RFX2: variants seen among roughly 807,000 people sequenced by gnomAD.
The protein encoded by RFX2 is DNA-binding protein RFX2.
A neutral mutation model predicts 87.8 loss-of-function variants in RFX2; 20 were observed. The observed-to-expected ratio is 0.23, with a 90% CI of 0.16 to 0.33. The LOEUF is 0.33. Among genes scored for constraint, RFX2 ranks in the 10% least tolerant of loss-of-function variants. RFX2 has a pLI of 1.00. For synonymous variants in RFX2, 397 were observed against 431.3 expected, an observed-to-expected ratio of 0.92 and a Z score of 0.98; for missense variants, 767 against 1,012.3, an observed-to-expected ratio of 0.76 and a Z score of 3.29.
At chr19:6,099,737 G>A (rs2088088947) in intron 1 of RFX2, among the ~76,000 whole-genome samples, 1 of 152,154 alleles carries the variant, frequency 6.6e-6, no homozygotes, top group African/African-American at 2.4e-5. Flanking sequence ...ACCACCTGTC[G>A]AAGTGGCCTT....
Position 6,044,260 on chromosome 19 carries a change from C to T in RFX2, c.113G>A (p.Ser38Asn), listed in dbSNP as rs550000087. 1.3e-5 allele frequency: 20 copies of T among 1,566,830 alleles called. No homozygotes were observed. In the South Asian group the frequency reaches 2.4e-4, roughly 19 times the overall value. ...CATCTGGGCCCCTTTGGGATTGGAGCTGGCTGCCTGGACCAACACCCTCTA... is the reference window on the plus strand; with the variant it reads ...CATCTGGGCCCCTTTGGGATTGGAGTTGGCTGCCTGGACCAACACCCTCTA... The part of the protein sequence containing the change: ...SPQRVLVQAA[S>N]SNPKGAQMQP... Residue 38 changes from serine to asparagine, a missense_variant, in exon 3 of 18, where the codon AGC becomes AAC. This residue lies in a region of RFX2 where 146 missense variants were observed against 139.2 expected (regional missense o/e 1.05). Transcript: ENST00000303657. The surrounding 1 kb of genome is among the most constrained non-coding windows in gnomAD (Gnocchi z 5.3).
At chr19:6,108,005 T>C (rs2088247588) in intron 1 of RFX2, among the ~76,000 whole-genome samples, 1 of 152,228 alleles carries the variant, frequency 6.6e-6, no homozygotes, top group African/African-American at 2.4e-5. Flanking sequence ...GTAATAACTG[T>C]CTCTCTCTTC....
chr19:6,099,986 A>C (rs1356581155), intron 1 of RFX2, among the ~76,000 whole-genome samples: 1 of 152,210 alleles, frequency 6.6e-6, no homozygotes, highest in Admixed American at 6.5e-5. Flanking sequence ...AGTCTCCCCA[A>C]CCAAGAATAA....
At chr19:6,042,013 T>A (rs1568520899) in intron 4 of RFX2, 31 bp downstream of exon 4, 1 of 1,595,776 alleles carries the variant, frequency 6.3e-7, no homozygotes, top group African/African-American at 1.3e-5. Flanking sequence ...GGGAGAGGGT[T>A]CCGGGTGTGG....
In RFX2 at chr19:6,064,940, C is replaced by T. The variant is rs2087488908; in HGVS notation, c.-8-17436G>A. ...CCTTTAAAAACCACCTAACCCAGCTCTTTCATCAAACAGATGAAGAAACTT... is the reference window on the plus strand; with the variant it reads ...CCTTTAAAAACCACCTAACCCAGCTTTTTCATCAAACAGATGAAGAAACTT... On this transcript the variant is annotated intron_variant, in intron 1 of 17. Coordinates refer to ENST00000303657, the MANE Select transcript of RFX2 (RefSeq NM_000635.4). The surrounding 1 kb of genome is among the most constrained non-coding windows in gnomAD (Gnocchi z 4.8). Among the ~76,000 whole-genome samples the T allele has an allele frequency of 6.6e-6, 1 of 152,190 alleles. No individual in the cohort carries two copies. Among genetic ancestry groups the T allele is most frequent in the Non-Finnish European group, 1.5e-5 (1 of 68,034 alleles).
chr19:6,108,002 C>G (rs964839714), intron 1 of RFX2, among the ~76,000 whole-genome samples: 11 of 152,174 alleles, frequency 7.2e-5, no homozygotes, highest in African/African-American at 2.7e-4. Context: ...GAGGTAATAA[C>G]TGTCTCTCTC....
chr19:6,065,978 C>G (rs899959320), intron 1 of RFX2, among the ~76,000 whole-genome samples: 8 of 108,518 alleles, frequency 7.4e-5, no homozygotes, highest in African/African-American at 2.5e-4. Flanking sequence ...ATAGCCCTGG[C>G]AGTGGGGGCG....
intron 1 of RFX2, among the ~76,000 whole-genome samples, chr19:6,052,674 C>A (rs1031071842): frequency 6.6e-6 from 1 of 152,058 alleles, no homozygotes; most frequent in African/African-American, 2.4e-5. Context: ...TTCAAAATAC[C>A]ATAATTATAC....
chr19:6,089,372 G>A (rs1334365616), intron 1 of RFX2, among the ~76,000 whole-genome samples: 1 of 152,178 alleles, frequency 6.6e-6, no homozygotes, highest in Non-Finnish European at 1.5e-5. Context: ...GCACGGGCAG[G>A]AGCTGGAGCA....
Position 6,016,104 on chromosome 19 carries a change from C to G in RFX2, c.765G>C (p.Arg255=), listed in dbSNP as rs2086722964. ...IRSVFMGLRT[R]RLGTRGNSKY... Reference sequence around the variant, plus strand: ...CGTCTACCCACCTGGTGCCCAGCCGCCGCGTTCTCAGCCCCATAAACACAG... The same window carrying G: ...CGTCTACCCACCTGGTGCCCAGCCGGCGCGTTCTCAGCCCCATAAACACAG... Residue 255 remains arginine (R), a synonymous_variant, in exon 7 of 18, where the codon CGG becomes CGC. Coordinates refer to ENST00000303657, the MANE Select transcript of RFX2 (RefSeq NM_000635.4). This position sits in a 1 kb window ranked among gnomAD's most constrained non-coding sequence, Gnocchi z 5.4. 6.2e-7 allele frequency: 1 copy of G among 1,605,566 alleles called. No individual in the cohort carries two copies. Among genetic ancestry groups the G allele is most frequent in the South Asian group, 1.1e-5 (1 of 90,224 alleles).
chr19:6,001,997 G>A lies in RFX2; in HGVS notation c.1677C>T (p.Cys559=), dbSNP rs757632295. ...VQEQASWVCQ[C]EESVVQRLEQ... ...CCAGCCGCTGCACCACACTCTCCTC[G>A]CACTGGCACACCCACGAGGCCTGCT... Residue 559 remains cysteine (C), a synonymous_variant, in exon 15 of 18, where the codon TGC becomes TGT. Transcript: ENST00000303657. This position sits in a 1 kb window ranked among gnomAD's most constrained non-coding sequence, Gnocchi z 5.6. 86 of 1,610,392 alleles carry A rather than the reference G, an allele frequency of 5.3e-5. No individual in the cohort carries two copies. The highest frequency in any genetic ancestry group is 7.0e-5 in the Non-Finnish European group (82 of 1,179,632).
At chr19:6,018,909 G>T (rs1323152391) in intron 6 of RFX2, among the ~76,000 whole-genome samples, 8 of 152,156 alleles carry the variant, frequency 5.3e-5, no homozygotes. Context: ...CACAATCCCT[G>T]AGCTTGGATT....
At chr19:6,057,416 GGCTGAGCC>G (rs1411068251) in intron 1 of RFX2, 4 of 152,762 alleles carry the variant, frequency 2.6e-5, no homozygotes, top group African/African-American at 9.6e-5. Context: ...GCCCGTTCCT[GGCTGAGCC>G]GCTGACTCAC....
chr19:6,085,173 CCTGT>C (rs143326088), intron 1 of RFX2, among the ~76,000 whole-genome samples: 2,581 of 152,152 alleles, frequency 0.017, 55 homozygotes, highest in African/African-American at 0.058. Flanking sequence ...TGTACAAATC[CCTGT>C]CTGAGTGTAC....
chr19:6,032,409 C>T (rs562629246), intron 5 of RFX2, among the ~76,000 whole-genome samples: 3 of 152,102 alleles, frequency 2.0e-5, no homozygotes, highest in African/African-American at 7.2e-5. Flanking sequence ...GGATTACAGG[C>T]GTGAGCTACT....
At chr19:6,077,293 C>G (rs2087706072) in intron 1 of RFX2, among the ~76,000 whole-genome samples, 1 of 152,204 alleles carries the variant, frequency 6.6e-6, no homozygotes, top group Non-Finnish European at 1.5e-5. Context: ...AATTCCTTCG[C>G]CAGTGCTGGG....
At chr19:6,072,791 A>G (rs2087627583) in intron 1 of RFX2, 1 of 825,668 alleles carries the variant, frequency 1.2e-6, no homozygotes. Flanking sequence ...AGTGCTGCCT[A>G]CGGAGGTGGC....
intron 5 of RFX2, among the ~76,000 whole-genome samples, chr19:6,031,147 A>G (rs1298176194): frequency 6.6e-6 from 1 of 152,164 alleles, no homozygotes; most frequent in Non-Finnish European, 1.5e-5. Flanking sequence ...CATGTCTGCC[A>G]AATACCTGAG....
At chr19:6,008,050 C>T (rs902110577) in intron 10 of RFX2, 56 bp downstream of exon 10, 6 of 1,341,240 alleles carry the variant, frequency 4.5e-6, no homozygotes, top group Middle Eastern at 1.8e-4. Flanking sequence ...GGCCTGAGCG[C>T]TGGCGGTTCC....
Sources: gnomAD v4.1 joint callset for allele counts (sites outside exome capture counted in the v4.1 genomes callset) on GRCh38, gnomAD v4.1.1 for gene constraint, gnomAD v4.1.1 regional missense constraint, Gnocchi (gnomAD v3.1) non-coding constraint, MANE v1.5 for transcripts, NCBI Gene and HGNC (gene_info 2026-07-23, HGNC 2026-07-21) for gene names.